SPAG16: variants seen among roughly 807,000 people sequenced by gnomAD.
The protein encoded by SPAG16 is sperm-associated antigen 16 protein.
In SPAG16, 86 loss-of-function variants were observed where a neutral mutation model predicts 80.4. That is an observed-to-expected ratio of 1.07 (90% CI 0.90 to 1.28). SPAG16 has a LOEUF of 1.28. Among genes scored for constraint, SPAG16 ranks in the 50% most tolerant of loss-of-function variants. SPAG16 has a pLI of 0.00. For synonymous variants in SPAG16, 294 were observed against 265.9 expected (o/e 1.11, Z -1.03); for missense variants, 870 against 765.3 (o/e 1.14, Z -1.61).
At chr2:214,327,041 C>T (rs1576789084) in intron 15 of SPAG16, among the ~76,000 whole-genome samples, 1 of 148,458 alleles carries the variant, frequency 6.7e-6, no homozygotes, top group South Asian at 2.2e-4. Flanking sequence ...TAAACTCTTA[C>T]AAGCCATCCA....
At chr2:213,924,301 A>G (rs1041008036) in intron 11 of SPAG16, among the ~76,000 whole-genome samples, 6 of 152,218 alleles carry the variant, frequency 3.9e-5, no homozygotes, top group African/African-American at 1.4e-4. Context: ...GGGGCCAGGC[A>G]GATTTTCCTA....
chr2:214,108,439 TCACACACACACACACACACACACACA>T (rs71037342), intron 14 of SPAG16, among the ~76,000 whole-genome samples, 178 bp downstream of exon 14: 1 of 125,030 alleles, frequency 8.0e-6, no homozygotes, highest in Admixed American at 8.0e-5. Context: ...ATTTTAAAAT[TCACACACACACACACACACACACACA>T]CACACACACA....
intron 15 of SPAG16, among the ~76,000 whole-genome samples, chr2:214,286,881 G>A (rs1327014075): frequency 6.6e-6 from 1 of 152,154 alleles, no homozygotes; most frequent in Non-Finnish European, 1.5e-5. Flanking sequence ...GCTAATGATG[G>A]ATCACTTCCA....
intron 9 of SPAG16, among the ~76,000 whole-genome samples, chr2:213,458,935 G>T (rs1473512774): frequency 8.6e-5 from 13 of 151,710 alleles, no homozygotes; most frequent in Admixed American, 7.2e-4. Context: ...CATGTTTTTT[G>T]AATTTATGTG....
intron 11 of SPAG16, among the ~76,000 whole-genome samples, chr2:213,863,510 A>C (rs1185218120): frequency 6.6e-6 from 1 of 152,068 alleles, no homozygotes; most frequent in African/African-American, 2.4e-5. Flanking sequence ...GGGTAAACTA[A>C]GTTTGTTTTT....
intron 15 of SPAG16, among the ~76,000 whole-genome samples, chr2:214,381,487 G>A (rs1216680910): frequency 6.6e-6 from 1 of 152,204 alleles, no homozygotes; most frequent in African/African-American, 2.4e-5. Flanking sequence ...ATGCCCAGGA[G>A]ATTTCATTAT....
At chr2:213,331,203 C>A (rs1291724999) in intron 5 of SPAG16, among the ~76,000 whole-genome samples, 1 of 152,176 alleles carries the variant, frequency 6.6e-6, no homozygotes, top group Non-Finnish European at 1.5e-5. Flanking sequence ...TGGTTTGTGC[C>A]TTTTCTGCAG....
intron 1 of SPAG16, among the ~76,000 whole-genome samples, chr2:213,292,533 G>A (rs13395869): frequency 1.3e-5 from 2 of 149,512 alleles, no homozygotes; most frequent in Admixed American, 6.6e-5. Flanking sequence ...GCGTAGTGGC[G>A]GGCGCCTGTA....
At chr2:214,070,042 T>G (rs1225574471) in intron 13 of SPAG16, among the ~76,000 whole-genome samples, 3 of 151,794 alleles carry the variant, frequency 2.0e-5, no homozygotes, top group Non-Finnish European at 4.4e-5. Flanking sequence ...CTTTTTTAAT[T>G]GCCTATTTTT....
intron 15 of SPAG16, among the ~76,000 whole-genome samples, chr2:214,193,425 A>C (rs1023605): frequency 1.2e-5 from 1 of 83,644 alleles, no homozygotes. Flanking sequence ...GTGTGTGTGT[A>C]TGAGAGAGAG....
intron 15 of SPAG16, among the ~76,000 whole-genome samples, chr2:214,392,661 A>G (rs1193815583): frequency 6.6e-6 from 1 of 151,352 alleles, no homozygotes. Flanking sequence ...GTTTAGGAGT[A>G]ATTAGTGACA....
chr2:213,510,856 A>G (rs2075198438), intron 10 of SPAG16, among the ~76,000 whole-genome samples: 1 of 152,192 alleles, frequency 6.6e-6, no homozygotes, highest in African/African-American at 2.4e-5. Context: ...ATTTCTAAAT[A>G]TATTTCCAAT....
chr2:213,857,556 A>G (rs944113455), intron 10 of SPAG16, among the ~76,000 whole-genome samples: 3 of 66,284 alleles, frequency 4.5e-5, no homozygotes, highest in Non-Finnish European at 1.1e-4. Context: ...ACTGTTCAGA[A>G]AAAAAAATGA....
intron 9 of SPAG16, among the ~76,000 whole-genome samples, chr2:213,401,063 C>T (rs2068284253): frequency 6.6e-6 from 1 of 152,202 alleles, no homozygotes; most frequent in Non-Finnish European, 1.5e-5. Flanking sequence ...TCTGTCTTGG[C>T]CTCCCAAAGT....
chr2:213,826,033 G>A (rs1390260177), intron 10 of SPAG16, among the ~76,000 whole-genome samples: 1 of 151,566 alleles, frequency 6.6e-6, no homozygotes, highest in Non-Finnish European at 1.5e-5. Context: ...GTTTTTGAAT[G>A]TATTGGCATA....
chr2:214,320,452 C>A (rs1167136064), intron 15 of SPAG16, among the ~76,000 whole-genome samples: 1 of 152,168 alleles, frequency 6.6e-6, no homozygotes, highest in African/African-American at 2.4e-5. Context: ...TTCTTGTAAG[C>A]CCCAAGCATA....
chr2:213,609,388 T>C (rs2061369747), intron 10 of SPAG16, among the ~76,000 whole-genome samples: 1 of 152,242 alleles, frequency 6.6e-6, no homozygotes, highest in African/African-American at 2.4e-5. Context: ...CCAATTCTTC[T>C]GTGCCTCTGT....
rs149745376 is a variant in SPAG16, at chr2:213,835,407, A to G, written c.1071-27078A>G. The stretch of plus-strand genomic sequence containing the variant: ...CACACTGCGAGCTTGTCTCATAATT[A>G]TTCTTTTTGAGTGGAATAGAGCTTC... On this transcript the variant is annotated intron_variant, in intron 10 of 15. Transcript: ENST00000331683. Among the ~76,000 whole-genome samples, 167 of 152,264 alleles carry G rather than the reference A, an allele frequency of 1.1e-3. 2 individuals are homozygous for G. The East Asian group carries it at 0.021, about 19-fold the overall frequency.
chr2:213,630,856 C>T (rs1402275142), intron 10 of SPAG16, among the ~76,000 whole-genome samples: 3 of 152,008 alleles, frequency 2.0e-5, no homozygotes, highest in African/African-American at 7.3e-5. Context: ...CTACCTGGGA[C>T]ATAAATAAAC....
Sources: allele counts gnomAD v4.1 joint callset (sites outside exome capture counted in the v4.1 genomes callset), GRCh38; gene constraint gnomAD v4.1.1; transcripts MANE v1.5; gene names NCBI Gene and HGNC (gene_info 2026-07-23, HGNC 2026-07-21).